Variants in BAZ1A observed in about 807,000 individuals in gnomAD.
BAZ1A encodes the protein bromodomain adjacent to zinc finger domain protein 1A.
BAZ1A carries 50 observed loss-of-function variants against 185.2 expected under a neutral mutation model. The ratio of observed to expected loss-of-function variants is 0.27; its 90% CI spans 0.22 to 0.34. BAZ1A has a LOEUF of 0.34. Among genes scored for constraint, BAZ1A ranks in the 10% least tolerant of loss-of-function variants. The pLI is 1.00. For synonymous variants in BAZ1A, 571 were observed against 615.6 expected, an observed-to-expected ratio of 0.93 and a Z score of 1.07; for missense variants, 1,356 against 1,839.9, an observed-to-expected ratio of 0.74 and a Z score of 4.81.
At chr14:34,851,073 T>C (rs557782311) in intron 3 of BAZ1A, among the ~76,000 whole-genome samples, 1 of 152,218 alleles carries the variant, frequency 6.6e-6, no homozygotes, top group Admixed American at 6.6e-5. Context: ...GGCTCATGCC[T>C]GTAAATCCCA....
chr14:34,760,597 C>T (rs997962117), intron 24 of BAZ1A, among the ~76,000 whole-genome samples: 3 of 150,664 alleles, frequency 2.0e-5, no homozygotes, highest in Non-Finnish European at 4.4e-5. Context: ...CACCTGTAAT[C>T]CCAACATTTG....
chr14:34,798,500 G>GTGCTGTTCTGCAATATT (rs1191824893), intron 9 of BAZ1A, among the ~76,000 whole-genome samples: 6 of 152,192 alleles, frequency 3.9e-5, no homozygotes, highest in Non-Finnish European at 8.8e-5. Context: ...GCAGCAATAT[G>GTGCTGTTCTGCAATATT]TGCTGTTCTG....
Position 34,778,101 on chromosome 14 carries a change from A to G in BAZ1A, c.2237-1586T>C, listed in dbSNP as rs1594828379. 3.3e-5 allele frequency among the ~76,000 whole-genome samples: 5 copies of G among 152,360 alleles called. 1 individual carries two copies. On this transcript the variant is annotated intron_variant, in intron 17 of 26. Transcript: ENST00000360310. The stretch of plus-strand genomic sequence containing the variant: ...ACCACTAGTTTTTAGCTGGGCACTT[A>G]GCAACCCAAAAGAAGGACAACATTT...
At chr14:34,796,411 T>C (rs1881203048) in intron 9 of BAZ1A, among the ~76,000 whole-genome samples, 1 of 152,158 alleles carries the variant, frequency 6.6e-6, no homozygotes, top group Non-Finnish European at 1.5e-5. Context: ...CAAAATAAAT[T>C]ATTAGACTGC....
chr14:34,783,643 A>T, intron 15 of BAZ1A, 119 bp downstream of exon 15: 1 of 1,322,398 alleles, frequency 7.6e-7, no homozygotes. Flanking sequence ...ACAAGCTCTT[A>T]GTAAAGCCAT....
Position 34,866,502 on chromosome 14 carries a change from A to AAAAAAAAAAAAAAAAAGAAAG in BAZ1A, c.114-4181_114-4180insCTTTCTTTTTTTTTTTTTTTT. On this transcript the variant is annotated intron_variant, in intron 2 of 26. Transcript: ENST00000360310. ...AACAATATCTCAAAAAAAAAAAAAA[A>AAAAAAAAAAAAAAAAAGAAAG]GAAAAAAGTTCTAACTTTTTCCTAT... is the stretch of plus-strand genomic sequence containing the variant. 3.0e-3 allele frequency among the ~76,000 whole-genome samples: 237 copies of AAAAAAAAAAAAAAAAAGAAAG among 79,474 alleles called. 13 individuals carry two copies. Among genetic ancestry groups the AAAAAAAAAAAAAAAAAGAAAG allele is most frequent in the Non-Finnish European group, 4.2e-3 (149 of 35,248 alleles). 52.1% of individuals were successfully genotyped at this position (79,474 alleles called of 152,430 possible).
chr14:34,818,899 T>C (rs1238609546), intron 4 of BAZ1A, among the ~76,000 whole-genome samples: 1 of 152,030 alleles, frequency 6.6e-6, no homozygotes, highest in Non-Finnish European at 1.5e-5. Context: ...ACCAGCACTT[T>C]GGGAGGCCGA....
chr14:34,833,831 T>C (rs2042288265), intron 3 of BAZ1A, among the ~76,000 whole-genome samples: 1 of 152,128 alleles, frequency 6.6e-6, no homozygotes, highest in African/African-American at 2.4e-5. Context: ...GCCACTGAAC[T>C]GCACACTTAA....
chr14:34,873,337 A>T (rs886744674), intron 2 of BAZ1A, among the ~76,000 whole-genome samples: 1 of 152,120 alleles, frequency 6.6e-6, no homozygotes, highest in Non-Finnish European at 1.5e-5. Flanking sequence ...AAAGCATAAG[A>T]AAAAGAGAGG....
Position 34,811,903 on chromosome 14 carries a change from T to C in BAZ1A, c.537-867A>G, listed in dbSNP as rs549213065. Among the ~76,000 whole-genome samples, 6 of 152,234 alleles carry C rather than the reference T, an allele frequency of 3.9e-5. No homozygotes were observed. In the South Asian group the frequency reaches 1.2e-3, roughly 32 times the overall value. Reference sequence around the variant, plus strand: ...TAAAAATGGAGACAATGTAGTTTAATTGACCAAGAGACTACACATTTAATC... The same window carrying C: ...TAAAAATGGAGACAATGTAGTTTAACTGACCAAGAGACTACACATTTAATC... On this transcript the variant is annotated intron_variant, in intron 4 of 26. Transcript: ENST00000360310.
chr14:34,819,847 A>C (rs191716884), intron 4 of BAZ1A, among the ~76,000 whole-genome samples: 59 of 152,320 alleles, frequency 3.9e-4, no homozygotes, highest in African/African-American at 1.4e-3. Context: ...GAAACTGCCA[A>C]ACTGTCCTCT....
chr14:34,805,883 CTT>C lies in BAZ1A; in HGVS notation c.726+1566_726+1567del, dbSNP rs748874302. Among the ~76,000 whole-genome samples the C allele has an allele frequency of 1.1e-4, 15 of 139,336 alleles. 1 individual carries two copies. Among genetic ancestry groups the C allele is most frequent in the Admixed American group, 1.4e-4 (2 of 13,844 alleles). The allele number at this position is 139,336 out of a possible 152,430, so 91.4% of individuals were successfully genotyped here. A position where few individuals can be genotyped will look rare whatever the true frequency, so the allele number is the denominator to read the frequency against. ...GCTTGCCCTTGAAATCTACACATGA[CTT>C]TTTTTTTTTTTTTCCCTTAGACGGA... On this transcript the variant is annotated intron_variant, in intron 6 of 26. Transcript: ENST00000360310.
chr14:34,862,449 G>C, intron 2 of BAZ1A, 127 bp from the exon 3 acceptor site: 20 of 981,188 alleles, frequency 2.0e-5, no homozygotes, highest in Non-Finnish European at 2.8e-5. Context: ...TAGACTCACA[G>C]AACTCAAGGG....
intron 3 of BAZ1A, among the ~76,000 whole-genome samples, chr14:34,833,012 A>G (rs1361648057): frequency 1.3e-5 from 2 of 152,152 alleles, no homozygotes; most frequent in Non-Finnish European, 2.9e-5. Flanking sequence ...ACATGCTACA[A>G]TGTGGATGAA....
intron 23 of BAZ1A, 100 bp from the exon 24 acceptor site, chr14:34,762,323 A>G (rs1886560260): frequency 9.0e-7 from 1 of 1,112,234 alleles, no homozygotes; most frequent in Non-Finnish European, 1.3e-6. Flanking sequence ...AGTTTATACA[A>G]ATTTTCTATA....
chr14:34,827,730 G>A (rs1285189989), intron 3 of BAZ1A, among the ~76,000 whole-genome samples: 116 of 94,632 alleles, frequency 1.2e-3, no homozygotes, highest in African/African-American at 4.0e-3. Flanking sequence ...GCAAGACTCT[G>A]TCTCAAAAAA....
rs948535525 is a variant in BAZ1A at position 34,771,336 on chromosome 14, T to C, written c.3301+175A>G. Reference sequence around the variant, plus strand: ...TTTGATGAAACTCTTCACAAAAGACTGTATTATTCTAAAAATAAATCTCAC... The same window carrying C: ...TTTGATGAAACTCTTCACAAAAGACCGTATTATTCTAAAAATAAATCTCAC... On this transcript the variant is annotated intron_variant, in intron 21 of 26. Transcript: ENST00000360310. 17 of 654,594 alleles carry C rather than the reference T, an allele frequency of 2.6e-5. No individual in the cohort carries two copies. In the African/African-American group the frequency reaches 2.9e-4, roughly 11 times the overall value. The allele number at this position is 654,594 out of a possible 1,614,324, so 40.5% of individuals were successfully genotyped here.
At chr14:34,868,176 C>A (rs2042892186) in intron 2 of BAZ1A, among the ~76,000 whole-genome samples, 1 of 152,158 alleles carries the variant, frequency 6.6e-6, no homozygotes, top group Non-Finnish European at 1.5e-5. Context: ...CACAACTATA[C>A]CTGTATTTTT....
chr14:34,829,963 T>C (rs1324573495), intron 3 of BAZ1A, among the ~76,000 whole-genome samples: 1 of 152,202 alleles, frequency 6.6e-6, no homozygotes, highest in East Asian at 1.9e-4. Flanking sequence ...TCTCAACTTC[T>C]AGAAATGTGG....
Sources: allele counts gnomAD v4.1 joint callset (sites outside exome capture counted in the v4.1 genomes callset), GRCh38; gene constraint gnomAD v4.1.1; transcripts MANE v1.5; gene names NCBI Gene and HGNC (gene_info 2026-07-23, HGNC 2026-07-21).